MAPK8: variants seen among roughly 807,000 people sequenced by gnomAD.
The protein encoded by MAPK8 is mitogen-activated protein kinase 8.
In MAPK8, 13 loss-of-function variants were observed where a neutral mutation model predicts 52.9. The ratio of observed to expected loss-of-function variants is 0.25; its 90% CI spans 0.16 to 0.39. The LOEUF is 0.39. Ranked by LOEUF, MAPK8 falls within the 10% of genes least tolerant of loss-of-function variation. The pLI, the probability that MAPK8 is intolerant of heterozygous loss-of-function variation, is 1.00. For synonymous variants in MAPK8, 191 were observed against 169.8 expected (o/e 1.12, Z -0.97); for missense variants, 300 against 519.2 (o/e 0.58, Z 4.10).
intron 1 of MAPK8, among the ~76,000 whole-genome samples, chr10:48,392,111 T>C (rs947804664): frequency 1.3e-5 from 2 of 152,160 alleles, no homozygotes; most frequent in African/African-American, 4.8e-5. Flanking sequence ...TATAATCTAA[T>C]ACTAACAGGC....
chr10:48,386,098 C>A (rs56278337), intron 1 of MAPK8, among the ~76,000 whole-genome samples: 14,462 of 152,020 alleles, frequency 0.095, 721 homozygotes, highest in Non-Finnish European at 0.11. Flanking sequence ...TCTTAATTTG[C>A]AGTTTTAGGA....
intron 1 of MAPK8, among the ~76,000 whole-genome samples, chr10:48,348,386 G>C (rs1342866307): frequency 1.3e-5 from 2 of 152,104 alleles, no homozygotes; most frequent in African/African-American, 4.8e-5. Context: ...AAGCTCTTTA[G>C]TTTAATTAGA....
chr10:48,377,527 C>T (rs1287991807), intron 1 of MAPK8, among the ~76,000 whole-genome samples: 2 of 152,082 alleles, frequency 1.3e-5, no homozygotes, highest in African/African-American at 4.8e-5. Context: ...CTAATTTGCG[C>T]AGAAGGAATT....
In MAPK8 at chr10:48,435,815, A is replaced by C. The variant is rs529122143; in HGVS notation, c.*786A>C. ...GCATGCTCAAAGTTTATGATCACATAAAGGCAAGAGGATACTTCATGAATA... is the reference window on the plus strand; with the variant it reads ...GCATGCTCAAAGTTTATGATCACATCAAGGCAAGAGGATACTTCATGAATA... On this transcript the variant is annotated 3_prime_UTR_variant, in exon 12 of 12. Coordinates refer to ENST00000374189, the MANE Select transcript of MAPK8 (RefSeq NM_001323329.2). 1 of 152,382 alleles carries C rather than the reference A, an allele frequency of 6.6e-6. No individual in the cohort carries two copies. The highest frequency in any genetic ancestry group is 1.9e-4 in the East Asian group (1 of 5,194). The allele number at this position is 152,382 out of a possible 1,614,324, so 9.4% of individuals were successfully genotyped here. A position where few individuals can be genotyped will look rare whatever the true frequency, so the allele number is the denominator to read the frequency against.
intron 5 of MAPK8, among the ~76,000 whole-genome samples, chr10:48,413,815 T>TTATATATATATATATATATA (rs59042608): frequency 1.0e-4 from 5 of 48,408 alleles, no homozygotes; most frequent in Non-Finnish European, 1.3e-4. Flanking sequence ...GCCAGAATTG[T>TTATATATATATATATATATA]TATATATATA....
chr10:48,400,299 T>C (rs541923827), intron 1 of MAPK8, among the ~76,000 whole-genome samples: 11 of 152,242 alleles, frequency 7.2e-5, no homozygotes, highest in Non-Finnish European at 1.6e-4. Context: ...TTTTAAAATG[T>C]ATCCAAGTCT....
At chr10:48,425,830 T>TACAAGA in intron 7 of MAPK8, 58 bp from the exon 8 acceptor site, 3 of 928,754 alleles carry the variant, frequency 3.2e-6, no homozygotes, top group Non-Finnish European at 4.7e-6. Flanking sequence ...GTAATATGAA[T>TACAAGA]ATGACTAATG....
At chr10:48,402,998 A>G (rs1399721536) in intron 2 of MAPK8, among the ~76,000 whole-genome samples, 1 of 152,174 alleles carries the variant, frequency 6.6e-6, no homozygotes, top group Non-Finnish European at 1.5e-5. Context: ...TCATTATACC[A>G]TTTACATGTA....
At chr10:48,384,688 C>T (rs989706913) in intron 1 of MAPK8, among the ~76,000 whole-genome samples, 3 of 152,116 alleles carry the variant, frequency 2.0e-5, no homozygotes, top group Non-Finnish European at 2.9e-5. Flanking sequence ...CACCTTCAAC[C>T]AAAGAGTGGT....
intron 3 of MAPK8, among the ~76,000 whole-genome samples, chr10:48,408,113 T>C (rs1389325315): frequency 1.3e-5 from 2 of 152,234 alleles, no homozygotes; most frequent in Non-Finnish European, 2.9e-5. Flanking sequence ...TCTGCCCTTA[T>C]AAAGTTTATG....
At chr10:48,408,362 C>G (rs550468264) in intron 3 of MAPK8, among the ~76,000 whole-genome samples, 2 of 152,230 alleles carry the variant, frequency 1.3e-5, no homozygotes, top group Non-Finnish European at 2.9e-5. Flanking sequence ...TCAACTCTGT[C>G]AAGAACTAGG....
At chr10:48,381,396 A>C (rs1427493035) in intron 1 of MAPK8, among the ~76,000 whole-genome samples, 1 of 152,104 alleles carries the variant, frequency 6.6e-6, no homozygotes. Context: ...CACCAAAAAC[A>C]CATCCTACTT....
At chr10:48,428,223 G>A (rs887726531) in intron 10 of MAPK8, among the ~76,000 whole-genome samples, 5 of 152,138 alleles carry the variant, frequency 3.3e-5, no homozygotes, top group African/African-American at 1.2e-4. Context: ...GATAGTCATG[G>A]AAGTTTTCAA....
chr10:48,333,345 A>G (rs560603112), intron 1 of MAPK8, among the ~76,000 whole-genome samples: 1 of 152,308 alleles, frequency 6.6e-6, no homozygotes, highest in East Asian at 1.9e-4. Context: ...GGCCCCACCA[A>G]AGGTTAGCTT....
chr10:48,374,806 G>C (rs1438764333), intron 1 of MAPK8, among the ~76,000 whole-genome samples: 1 of 152,078 alleles, frequency 6.6e-6, no homozygotes, highest in Non-Finnish European at 1.5e-5. Context: ...TTCTACCAGA[G>C]GTACAAAGAG....
At chr10:48,406,996 C>T (rs981691638) in intron 3 of MAPK8, among the ~76,000 whole-genome samples, 1 of 152,170 alleles carries the variant, frequency 6.6e-6, no homozygotes, top group African/African-American at 2.4e-5. Context: ...CTTACAGTTC[C>T]CATCTCACCC....
chr10:48,367,183 A>G (rs1472342124), intron 1 of MAPK8, among the ~76,000 whole-genome samples: 3 of 152,058 alleles, frequency 2.0e-5, no homozygotes, highest in Non-Finnish European at 4.4e-5. Context: ...CAGCCTGGGC[A>G]ACAGAATGAG....
rs774347222 is a variant in MAPK8 at position 48,409,943 on chromosome 10, T to C, written c.311+6T>C. 5 of 1,610,610 alleles carry C rather than the reference T, an allele frequency of 3.1e-6. No individual in the cohort carries two copies. The highest frequency in any genetic ancestry group is 3.3e-5 in the Admixed American group (2 of 59,864). On this transcript the variant is annotated splice_donor_region_variant and intron_variant, in intron 4 of 11. Coordinates refer to ENST00000374189, the MANE Select transcript of MAPK8 (RefSeq NM_001323329.2). ...CTAGAAGAATTTCAAGATGTGTAAG[T>C]GTAATAATTAAAATTTTGTTAAGTT...
chr10:48,341,415 C>T (rs7913470), intron 1 of MAPK8, among the ~76,000 whole-genome samples: 3,261 of 152,282 alleles, frequency 0.021, 51 homozygotes, highest in Non-Finnish European at 0.035. Flanking sequence ...GCCAGCATGA[C>T]GCTCAAAGGA....
Sources: allele counts gnomAD v4.1 joint callset (sites outside exome capture counted in the v4.1 genomes callset), GRCh38; gene constraint gnomAD v4.1.1; transcripts MANE v1.5; gene names NCBI Gene and HGNC (gene_info 2026-07-23, HGNC 2026-07-21).